SMAP2: variants seen among roughly 807,000 people sequenced by gnomAD.
SMAP2 encodes the protein small ArfGAP2, also known as stromal membrane-associated protein 2.
In SMAP2, 25 loss-of-function variants were observed where a neutral mutation model predicts 56.4. That is an observed-to-expected ratio of 0.44 (90% CI 0.32 to 0.62). SMAP2 has a LOEUF of 0.62. Ranked by LOEUF, SMAP2 falls within the 20% of genes least tolerant of loss-of-function variation. The probability of loss-of-function intolerance (pLI) is 0.04; values close to 1 mark genes in which losing one functional copy is unlikely to be tolerated. For missense variants in SMAP2, 388 were observed against 545.6 expected (o/e 0.71, Z 2.88); for synonymous variants, 157 against 181.7 (o/e 0.86, Z 1.09).
intron 2 of SMAP2, among the ~76,000 whole-genome samples, chr1:40,363,244 G>T (rs927810738): frequency 6.6e-6 from 1 of 152,112 alleles, no homozygotes; most frequent in East Asian, 1.9e-4. Context: ...TATATATAAA[G>T]AAATCTAAAT....
rs531699809 is a variant in SMAP2 at position 40,411,283 on chromosome 1, C to G, written c.402+1448C>G. ...GCAGCTACAGCTTGCATGGCATCAT[C>G]AAAAACAGTTTAGAACCCAAGCATA... is the stretch of plus-strand genomic sequence containing the variant. On this transcript the variant is annotated intron_variant, in intron 4 of 9. Transcript: ENST00000372718. Among the ~76,000 whole-genome samples, 73 of 152,302 alleles carry G rather than the reference C, an allele frequency of 4.8e-4. 2 individuals carry two copies. Among genetic ancestry groups the G allele is most frequent in the Middle Eastern group, 6.8e-3 (2 of 294 alleles).
chr1:40,388,890 C>T (rs940142720), intron 1 of SMAP2, among the ~76,000 whole-genome samples: 4 of 152,116 alleles, frequency 2.6e-5, no homozygotes, highest in African/African-American at 4.8e-5. Flanking sequence ...CTGAAGCCAG[C>T]GAGACCACGA....
intron 1 of SMAP2, among the ~76,000 whole-genome samples, chr1:40,384,442 G>A (rs1238892408): frequency 6.6e-6 from 1 of 152,206 alleles, no homozygotes; most frequent in African/African-American, 2.4e-5. Flanking sequence ...AGCTTTCCAA[G>A]TTGTGGCTAC....
At position 40,385,135 on chromosome 1, in the gene SMAP2, C is replaced by A. The variant is rs1381506777; in HGVS notation, c.103+10912C>A. 6.6e-6 allele frequency among the ~76,000 whole-genome samples: 1 copy of A among 152,130 alleles called. No individual in the cohort carries two copies. The highest frequency in any genetic ancestry group is 2.4e-5 in the African/African-American group (1 of 41,410). On this transcript the variant is annotated intron_variant, in intron 1 of 9. Coordinates refer to ENST00000372718, the MANE Select transcript of SMAP2 (RefSeq NM_022733.3). This position sits in a 1 kb window ranked among gnomAD's most constrained non-coding sequence, Gnocchi z 4.5. ...GCTCTGGTGGTCGTCTTCAGTTTGT[C>A]CAGCTCTTCCCCTTATCCCCCATCC...
intron 1 of SMAP2, among the ~76,000 whole-genome samples, chr1:40,387,146 C>T (rs1002035805): frequency 6.6e-6 from 1 of 152,162 alleles, no homozygotes; most frequent in Non-Finnish European, 1.5e-5. Flanking sequence ...AACCACCATG[C>T]CCGGCCTTAT....
chr1:40,388,534 G>GT (rs1644684362), intron 1 of SMAP2, among the ~76,000 whole-genome samples: 1 of 152,068 alleles, frequency 6.6e-6, no homozygotes, highest in Non-Finnish European at 1.5e-5. Flanking sequence ...GCTACTCTTG[G>GT]TGGGGATTTG....
intron 1 of SMAP2, chr1:40,345,013 G>C (rs1441760852): frequency 6.7e-6 from 1 of 148,818 alleles, no homozygotes; most frequent in Non-Finnish European, 1.5e-5. Flanking sequence ...ATCAGGTGTA[G>C]TTGTGAGAGG....
At position 40,423,174 on chromosome 1, in the gene SMAP2, C is replaced by G. The variant is rs541351955; in HGVS notation, c.*1073C>G. On this transcript the variant is annotated 3_prime_UTR_variant, in exon 10 of 10. Transcript: ENST00000372718. ...TTCCCAGGTGTACGAGGCAGAGGGCCGGGACAGCTTTCCTCTCAGTCATTG... is the reference window on the plus strand; with the variant it reads ...TTCCCAGGTGTACGAGGCAGAGGGCGGGGACAGCTTTCCTCTCAGTCATTG... 1 of 152,670 alleles carries G rather than the reference C, an allele frequency of 6.6e-6. No homozygotes were observed. Among genetic ancestry groups the G allele is most frequent in the Non-Finnish European group, 1.5e-5 (1 of 68,042 alleles). The allele number at this position is 152,670 out of a possible 1,614,324, so 9.5% of individuals were successfully genotyped here. A position where few individuals can be genotyped will look rare whatever the true frequency, so the allele number is the denominator to read the frequency against.
intron 2 of SMAP2, among the ~76,000 whole-genome samples, chr1:40,365,534 G>A (rs1569827240): frequency 6.6e-6 from 1 of 152,096 alleles, no homozygotes. Flanking sequence ...ATTCGGGGAG[G>A]AGCCAAGATG....
intron 1 of SMAP2, among the ~76,000 whole-genome samples, chr1:40,381,520 A>G (rs964105139): frequency 2.0e-5 from 3 of 152,134 alleles, no homozygotes; most frequent in Non-Finnish European, 1.5e-5. Context: ...AGAATGTGCA[A>G]AGCCTCGAAG....
At chr1:40,414,353 T>C in intron 6 of SMAP2, 113 bp downstream of exon 6, 2 of 915,136 alleles carry the variant, frequency 2.2e-6, no homozygotes, top group Non-Finnish European at 3.5e-6. Flanking sequence ...TTGCCAAGAC[T>C]GTTCTCTCAC....
intron 3 of SMAP2, among the ~76,000 whole-genome samples, chr1:40,409,044 A>G (rs935871161): frequency 1.3e-5 from 2 of 152,238 alleles, no homozygotes; most frequent in Non-Finnish European, 2.9e-5. Context: ...CTATTGTTTG[A>G]TTAAAAAGAG....
chr1:40,346,777 C>T (rs1249330482), intron 1 of SMAP2, among the ~76,000 whole-genome samples: 1 of 151,756 alleles, frequency 6.6e-6, no homozygotes, highest in African/African-American at 2.4e-5. Context: ...TGCATAGTTC[C>T]CTGTATATTC....
upstream of SMAP2, among the ~76,000 whole-genome samples, chr1:40,372,753 C>T (rs1183179130): frequency 1.3e-5 from 2 of 152,174 alleles, no homozygotes; most frequent in African/African-American, 4.8e-5. Flanking sequence ...TTACTATCTT[C>T]CCTGATTAAT....
intron 1 of SMAP2, among the ~76,000 whole-genome samples, chr1:40,353,581 G>T (rs1026051804): frequency 6.6e-6 from 1 of 152,010 alleles, no homozygotes; most frequent in African/African-American, 2.4e-5. Flanking sequence ...TGTTGGCCAG[G>T]CTGGTCTCGA....
chr1:40,417,221 A>AGGTT, intron 9 of SMAP2, 125 bp downstream of exon 9: 1 of 498,856 alleles, frequency 2.0e-6, no homozygotes, highest in Non-Finnish European at 3.4e-6. Context: ...AGACATTGTT[A>AGGTT]GGTTTGCTTT....
Position 40,381,335 on chromosome 1 carries a change from C to T in SMAP2, c.103+7112C>T, listed in dbSNP as rs377616428. Among the ~76,000 whole-genome samples the T allele has an allele frequency of 4.6e-5, 7 of 152,224 alleles. No homozygotes were observed. In the East Asian group the frequency reaches 1.3e-3, roughly 29 times the overall value. On this transcript the variant is annotated intron_variant, in intron 1 of 9. Transcript: ENST00000372718. ...CAGATGTGTACAAATATAAATGATG[C>T]AATACAGAAATTATTGTGGCATGGT...
At position 40,408,508 on chromosome 1, in the gene SMAP2, G is replaced by A; in HGVS notation, c.238-145G>A. ...AGTAAGGTAGAGGGAATCATGAATT[G>A]GAAATCAGAATACACAAGTTTAAAT... On this transcript the variant is annotated intron_variant, in intron 2 of 9. Coordinates refer to ENST00000372718, the MANE Select transcript of SMAP2 (RefSeq NM_022733.3). This position sits in a 1 kb window ranked among gnomAD's most constrained non-coding sequence, Gnocchi z 4.3. The A allele has an allele frequency of 1.7e-6, 1 of 597,288 alleles. No individual in the cohort carries two copies. Among genetic ancestry groups the A allele is most frequent in the Non-Finnish European group, 2.9e-6 (1 of 340,166 alleles). The allele number at this position is 597,288 out of a possible 1,614,324, so 37.0% of individuals were successfully genotyped here.
chr1:40,418,663 A>C (rs1037501631), intron 9 of SMAP2, among the ~76,000 whole-genome samples: 4 of 152,226 alleles, frequency 2.6e-5, no homozygotes, highest in African/African-American at 9.6e-5. Flanking sequence ...CCTACCCACA[A>C]AAATCTGTTA....
Sources: gnomAD v4.1 joint callset for allele counts (sites outside exome capture counted in the v4.1 genomes callset) on GRCh38, gnomAD v4.1.1 for gene constraint, Gnocchi (gnomAD v3.1) non-coding constraint, MANE v1.5 for transcripts, NCBI Gene and HGNC (gene_info 2026-07-23, HGNC 2026-07-21) for gene names.